Variants in NRXN2 observed in about 807,000 individuals in gnomAD.
NRXN2 encodes the protein neurexin 2.
NRXN2 carries 29 observed loss-of-function variants against 128.8 expected under a neutral mutation model. That is an observed-to-expected ratio of 0.23 (90% CI 0.17 to 0.31). The LOEUF is 0.31. Ranked by LOEUF, NRXN2 falls within the 10% of genes least tolerant of loss-of-function variation. NRXN2 has a pLI of 1.00. For missense variants in NRXN2, 1,881 were observed against 2,452.6 expected (o/e 0.77, Z 4.92); for synonymous variants, 1,098 against 1,075.2 (o/e 1.02, Z -0.41).
At chr11:64,611,558 A>G (rs1478678057) in intron 22 of NRXN2, among the ~76,000 whole-genome samples, 2 of 152,120 alleles carry the variant, frequency 1.3e-5, no homozygotes, top group African/African-American at 4.8e-5. Flanking sequence ...GCTCTCTACC[A>G]ACCTGCTGTC....
In NRXN2 at chr11:64,630,387, G is replaced by T. The variant is rs745989924; in HGVS notation, c.3757+15C>A. The T allele has an allele frequency of 6.2e-7, 1 of 1,605,408 alleles. No homozygotes were observed. The highest frequency in any genetic ancestry group is 2.2e-5 in the East Asian group (1 of 44,708). On this transcript the variant is annotated intron_variant, in intron 19 of 22. Coordinates refer to ENST00000265459, the MANE Select transcript of NRXN2 (RefSeq NM_015080.4). The surrounding 1 kb of genome is among the most constrained non-coding windows in gnomAD (Gnocchi z 4.6). ...CCCCGCCACCGCGCCTCCTCCGCGG[G>T]CCCGCGCCGCCTACCTGCCGGGTAC...
At chr11:64,677,727 T>G (rs2051550479) in intron 6 of NRXN2, among the ~76,000 whole-genome samples, 1 of 152,042 alleles carries the variant, frequency 6.6e-6, no homozygotes. Context: ...ACAAGGGCTG[T>G]GAGGAGGGAT....
chr11:64,713,426 T>A lies in NRXN2; in HGVS notation c.274A>T (p.Thr92Ser). 1 of 1,504,642 alleles carries A rather than the reference T, an allele frequency of 6.6e-7. No homozygotes were observed. Among genetic ancestry groups the A allele is most frequent in the Non-Finnish European group, 8.8e-7 (1 of 1,133,628 alleles). 93.2% of individuals were successfully genotyped at this position (1,504,642 alleles called of 1,614,324 possible). The change falls in exon 2 of 23, where the codon ACG (threonine) becomes TCG (serine). Residue 92 changes from threonine (T) to serine (S), a missense_variant. Transcript: ENST00000265459. Reference sequence around the variant, plus strand: ...GTGGCCGGCTCGGCGCACGAAAGCGTGAAGCGCAGCCGCAGGCGGCCGTCC... The same window carrying A: ...GTGGCCGGCTCGGCGCACGAAAGCGAGAAGCGCAGCCGCAGGCGGCCGTCC... ...LVDGRLRLRF[T>S]LSCAEPATLQ...
At chr11:64,645,026 C>T (rs1014777685) in intron 17 of NRXN2, among the ~76,000 whole-genome samples, 1 of 152,082 alleles carries the variant, frequency 6.6e-6, no homozygotes, top group African/African-American at 2.4e-5. Flanking sequence ...GTGAAGAAAG[C>T]GGTCCTCAGA....
At chr11:64,693,630 C>T (rs2054134036) in intron 3 of NRXN2, among the ~76,000 whole-genome samples, 1 of 152,180 alleles carries the variant, frequency 6.6e-6, no homozygotes, top group Admixed American at 6.5e-5. Flanking sequence ...AGCTACCCTT[C>T]CCAATAACCT....
At chr11:64,664,801 T>G (rs957527854) in intron 9 of NRXN2, among the ~76,000 whole-genome samples, 20 of 141,616 alleles carry the variant, frequency 1.4e-4, no homozygotes, top group African/African-American at 5.3e-4. Flanking sequence ...ACCAGCCTGG[T>G]CAACACAGTG....
chr11:64,722,198 C>T (rs1240780589), intron 1 of NRXN2, among the ~76,000 whole-genome samples: 1 of 151,592 alleles, frequency 6.6e-6, no homozygotes, highest in African/African-American at 2.4e-5. Flanking sequence ...TCTCCCCCTG[C>T]AGCACTCTCT....
chr11:64,626,231 G>T (rs1345912974), intron 20 of NRXN2, among the ~76,000 whole-genome samples: 1 of 152,042 alleles, frequency 6.6e-6, no homozygotes, highest in Non-Finnish European at 1.5e-5. Flanking sequence ...AAGAGAACAA[G>T]ACTCTCCCTA....
intron 19 of NRXN2, among the ~76,000 whole-genome samples, chr11:64,628,993 G>T (rs1304658964): frequency 2.0e-5 from 3 of 152,068 alleles, no homozygotes; most frequent in Non-Finnish European, 4.4e-5. Flanking sequence ...ATGTATTAGG[G>T]GGCCACGCAG....
At chr11:64,699,021 A>G (rs2054919626) in intron 2 of NRXN2, among the ~76,000 whole-genome samples, 2 of 152,190 alleles carry the variant, frequency 1.3e-5, no homozygotes, top group African/African-American at 2.4e-5. Context: ...TATCCAGTTC[A>G]CACTCACGCA....
rs1160341822 is a variant in NRXN2, at chr11:64,648,158, C to T, written c.3403+61G>A. The T allele has an allele frequency of 4.3e-5, 69 of 1,612,382 alleles. No homozygotes were observed. The highest frequency in any genetic ancestry group is 5.9e-5 in the Non-Finnish European group (69 of 1,179,130). ...AGGCCCTGTTTCCTCCCTGGCAGCC[C>T]CTATGGCTGGGAATGGACCCTGGTC... On this transcript the variant is annotated intron_variant, in intron 17 of 22. Coordinates refer to ENST00000265459, the MANE Select transcript of NRXN2 (RefSeq NM_015080.4). This position sits in a 1 kb window ranked among gnomAD's most constrained non-coding sequence, Gnocchi z 4.1.
At chr11:64,645,174 G>A (rs775338824) in intron 17 of NRXN2, among the ~76,000 whole-genome samples, 8 of 152,172 alleles carry the variant, frequency 5.3e-5, no homozygotes, top group Non-Finnish European at 8.8e-5. Context: ...TGGGCCCCTG[G>A]ATCTGGAATA....
intron 17 of NRXN2, among the ~76,000 whole-genome samples, chr11:64,644,475 G>A (rs907530459): frequency 3.9e-5 from 6 of 152,250 alleles, no homozygotes; most frequent in Admixed American, 6.5e-5. Context: ...ACCCTTCCTG[G>A]GCCACGTATG....
At chr11:64,640,980 G>A (rs1232762155) in intron 17 of NRXN2, among the ~76,000 whole-genome samples, 1 of 152,018 alleles carries the variant, frequency 6.6e-6, no homozygotes, top group Admixed American at 6.5e-5. Context: ...GAATAAGAGG[G>A]GATGGAGAGA....
rs2039691931 is a variant in NRXN2, at chr11:64,606,679, A to G, written c.*517T>C. The G allele has an allele frequency of 7.5e-6, 1 of 132,730 alleles. No individual in the cohort carries two copies. The highest frequency in any genetic ancestry group is 2.9e-5 in the African/African-American group (1 of 34,896). 8.2% of individuals were successfully genotyped at this position (132,730 alleles called of 1,614,324 possible). A position where few individuals can be genotyped will look rare whatever the true frequency, so the allele number is the denominator to read the frequency against. ...CCGACTCTGGAAACCCAAAGGGAGG[A>G]AAGGAAGGGAGAAACCAGACACACA... On this transcript the variant is annotated 3_prime_UTR_variant, in exon 23 of 23. Transcript: ENST00000265459.
At chr11:64,711,255 C>T (rs549772675) in intron 2 of NRXN2, among the ~76,000 whole-genome samples, 1 of 152,334 alleles carries the variant, frequency 6.6e-6, no homozygotes, top group East Asian at 1.9e-4. Context: ...CCCTCAAAAG[C>T]CTCTGACTCT....
At chr11:64,685,088 G>A (rs2052823808) in intron 6 of NRXN2, among the ~76,000 whole-genome samples, 1 of 152,016 alleles carries the variant, frequency 6.6e-6, no homozygotes, top group African/African-American at 2.4e-5. Context: ...CACCTCACTG[G>A]CTCCATCTCT....
intron 17 of NRXN2, chr11:64,642,878 C>T (rs1297781455): frequency 1.3e-5 from 13 of 1,034,534 alleles, no homozygotes; most frequent in Non-Finnish European, 1.4e-5. Flanking sequence ...CCCGCGAAGC[C>T]CCCCTCCGGC....
chr11:64,715,820 C>G (rs531274587), intron 1 of NRXN2, among the ~76,000 whole-genome samples: 1 of 152,210 alleles, frequency 6.6e-6, no homozygotes, highest in Non-Finnish European at 1.5e-5. Context: ...TATATATAGC[C>G]TTGCCACTGC....
Sources: gnomAD v4.1 joint callset for allele counts (sites outside exome capture counted in the v4.1 genomes callset) on GRCh38, gnomAD v4.1.1 for gene constraint, Gnocchi (gnomAD v3.1) non-coding constraint, MANE v1.5 for transcripts, NCBI Gene and HGNC (gene_info 2026-07-23, HGNC 2026-07-21) for gene names.